ANKFN1: variants seen among roughly 807,000 people sequenced by gnomAD.
ANKFN1 encodes ankyrin repeat and fibronectin type III domain containing 1.
ANKFN1 carries 74 observed loss-of-function variants against 108.7 expected under a neutral mutation model. That is an observed-to-expected ratio of 0.68 (90% CI 0.56 to 0.83). The LOEUF is 0.83. ANKFN1 is among the 40% of genes least tolerant of loss of function. The pLI is 0.00. For missense variants in ANKFN1, 1,505 were observed against 1,382.3 expected (o/e 1.09, Z -1.41); for synonymous variants, 547 against 516.2 (o/e 1.06, Z -0.81).
chr17:56,345,977 G>A (rs2046089349), intron 4 of ANKFN1, among the ~76,000 whole-genome samples: 1 of 152,084 alleles, frequency 6.6e-6, no homozygotes, highest in Non-Finnish European at 1.5e-5. Flanking sequence ...CCTATGTCCT[G>A]AATGGTATTG....
chr17:56,079,283 G>A (rs1257193167), intron 4 of ANKFN1, among the ~76,000 whole-genome samples: 1 of 152,192 alleles, frequency 6.6e-6, no homozygotes, highest in African/African-American at 2.4e-5. Flanking sequence ...CACTCCCAAT[G>A]CACTAAAACA....
intron 4 of ANKFN1, among the ~76,000 whole-genome samples, chr17:56,106,304 G>A (rs1197889038): frequency 1.3e-5 from 2 of 152,146 alleles, no homozygotes; most frequent in Non-Finnish European, 2.9e-5. Flanking sequence ...AGTGATACCA[G>A]CTCTGCCCTT....
At chr17:56,048,474 A>C (rs1360335235) in intron 4 of ANKFN1, among the ~76,000 whole-genome samples, 1 of 151,984 alleles carries the variant, frequency 6.6e-6, no homozygotes, top group Non-Finnish European at 1.5e-5. Context: ...TGCACATTAG[A>C]TTCTTTATTT....
Position 56,512,936 on chromosome 17 carries a change from C to G in ANKFN1, c.*1667C>G, listed in dbSNP as rs1015288192. Among the ~76,000 whole-genome samples the G allele has an allele frequency of 9.2e-5, 14 of 152,174 alleles. No individual in the cohort carries two copies. Among genetic ancestry groups the G allele is most frequent in the African/African-American group, 3.1e-4 (13 of 41,438 alleles). ...CAAAGAATCTTGATCAGAATCACTACAGCTCCTTTTTCATGACTGGGAGGA... is the reference window on the plus strand; with the variant it reads ...CAAAGAATCTTGATCAGAATCACTAGAGCTCCTTTTTCATGACTGGGAGGA... On this transcript the variant is annotated 3_prime_UTR_variant, in exon 21 of 21. Coordinates refer to ENST00000682825, the MANE Select transcript of ANKFN1 (RefSeq NM_001370326.1).
At chr17:56,240,786 G>A (rs1299699326) in intron 3 of ANKFN1, among the ~76,000 whole-genome samples, 1 of 152,000 alleles carries the variant, frequency 6.6e-6, no homozygotes, top group Non-Finnish European at 1.5e-5. Flanking sequence ...TAGTGAAATT[G>A]AGCATCTTTT....
chr17:56,220,780 CAGGAAGGAAGGG>C (rs1567845795), intron 2 of ANKFN1, among the ~76,000 whole-genome samples: 1 of 60,978 alleles, frequency 1.6e-5, no homozygotes, highest in East Asian at 5.3e-4. Context: ...GGGAGGAAGT[CAGGAAGGAAGGG>C]AGGAAGGGAG....
chr17:56,108,818 A>G (rs1203704644), intron 4 of ANKFN1, among the ~76,000 whole-genome samples: 2 of 152,222 alleles, frequency 1.3e-5, no homozygotes, highest in South Asian at 2.1e-4. Context: ...TTGAGATACC[A>G]TCTTGCTTTA....
intron 8 of ANKFN1, among the ~76,000 whole-genome samples, chr17:56,424,773 C>T (rs1250919436): frequency 6.6e-6 from 1 of 152,168 alleles, no homozygotes; most frequent in East Asian, 1.9e-4. Flanking sequence ...ACAGTTTCAG[C>T]AGCCCCTGTG....
intron 6 of ANKFN1, among the ~76,000 whole-genome samples, chr17:56,354,411 C>CTTCATTCA (rs149400397): frequency 0.02 from 2,981 of 152,042 alleles, 89 homozygotes; most frequent in African/African-American, 0.067. Context: ...AATGCGGTGG[C>CTTCATTCA]TTCATTCATT....
intron 3 of ANKFN1, among the ~76,000 whole-genome samples, chr17:56,296,199 G>A (rs1180801296): frequency 6.6e-6 from 1 of 151,950 alleles, no homozygotes; most frequent in Non-Finnish European, 1.5e-5. Context: ...CGGAGGTGAG[G>A]GGGCAGGGTG....
rs1391193549 is a variant in ANKFN1, at chr17:56,510,604, C to G, written c.2776C>G (p.Gln926Glu). 6.5e-7 allele frequency: 1 copy of G among 1,536,094 alleles called. No individual in the cohort carries two copies. Among genetic ancestry groups the G allele is most frequent in the African/African-American group, 1.4e-5 (1 of 73,068 alleles). ...CTACCTATCATCTCACGACATTGCGCAGCAGACCCTTAGCGGCCTAAGCGG... is the reference window on the plus strand; with the variant it reads ...CTACCTATCATCTCACGACATTGCGGAGCAGACCCTTAGCGGCCTAAGCGG... ...LVYLSSHDIA[Q>E]QTLSGLSGSA... Residue 926 changes from glutamine to glutamate, a missense_variant, in exon 21 of 21, where the codon CAG becomes GAG. Coordinates refer to ENST00000682825, the MANE Select transcript of ANKFN1 (RefSeq NM_001370326.1).
intron 2 of ANKFN1, among the ~76,000 whole-genome samples, chr17:56,219,084 G>T (rs1431215805): frequency 6.6e-6 from 1 of 151,018 alleles, no homozygotes; most frequent in East Asian, 1.9e-4. Flanking sequence ...TAATCACCGT[G>T]TTTTTATCAG....
At chr17:56,422,492 TAC>T (rs141538919) in intron 8 of ANKFN1, among the ~76,000 whole-genome samples, 14,356 of 151,370 alleles carry the variant, frequency 0.095, 835 homozygotes, top group African/African-American at 0.17. Context: ...CACACGCACA[TAC>T]ACACACACAC....
rs759980897 is a variant in ANKFN1 at position 56,467,743 on chromosome 17, C to CAAAGAAAGAAAGAAAG, written c.1773+1207_1773+1222dup. Among the ~76,000 whole-genome samples the CAAAGAAAGAAAGAAAG allele has an allele frequency of 5.0e-4, 36 of 72,620 alleles. 1 individual carries two copies. Among genetic ancestry groups the CAAAGAAAGAAAGAAAG allele is most frequent in the South Asian group, 2.4e-3 (5 of 2,050 alleles). The allele number at this position is 72,620 out of a possible 152,430, so 47.6% of individuals were successfully genotyped here. On this transcript the variant is annotated intron_variant, in intron 15 of 20. Transcript: ENST00000682825. ...AGAAAGAAAGAGAGAAAGAAAGAAA[C>CAAAGAAAGAAAGAAAG]AAAGAAAGAAAGAAAGAAAGAAAGA...
At chr17:56,339,620 C>G (rs1374560672) in intron 4 of ANKFN1, among the ~76,000 whole-genome samples, 1 of 152,140 alleles carries the variant, frequency 6.6e-6, no homozygotes, top group Non-Finnish European at 1.5e-5. Context: ...ACCCATGTCC[C>G]TGCAAAGGTC....
intron 4 of ANKFN1, among the ~76,000 whole-genome samples, chr17:56,344,868 T>G (rs993541322): frequency 1.5e-4 from 23 of 151,894 alleles, no homozygotes; most frequent in Non-Finnish European, 8.8e-5. Context: ...GTTTTTTTGT[T>G]TGTTTGTTTG....
intron 1 of ANKFN1, among the ~76,000 whole-genome samples, chr17:56,193,642 G>A (rs1258570470): frequency 6.7e-6 from 1 of 149,838 alleles, no homozygotes; most frequent in East Asian, 1.9e-4. Context: ...AACTCAAGAT[G>A]GATCACAGAC....
chr17:56,343,747 A>C lies in ANKFN1; in HGVS notation c.189-7019A>C, dbSNP rs1373415787. ...TTGACAGTGTTCCAAGGATCTCTGC[A>C]CTCTTCACATTTCTTCATATTTTTT... On this transcript the variant is annotated intron_variant, in intron 4 of 20. Coordinates refer to ENST00000682825, the MANE Select transcript of ANKFN1 (RefSeq NM_001370326.1). 1.3e-5 allele frequency among the ~76,000 whole-genome samples: 2 copies of C among 151,324 alleles called. 1 individual carries two copies. Among genetic ancestry groups the C allele is most frequent in the Non-Finnish European group, 3.0e-5 (2 of 67,780 alleles).
At chr17:56,331,280 C>G (rs528141832) in intron 4 of ANKFN1, among the ~76,000 whole-genome samples, 156 of 152,264 alleles carry the variant, frequency 1.0e-3, no homozygotes, top group African/African-American at 3.6e-3. Flanking sequence ...ATACCCATAC[C>G]TGAACTACCC....
Sources: allele counts gnomAD v4.1 joint callset (sites outside exome capture counted in the v4.1 genomes callset), GRCh38; gene constraint gnomAD v4.1.1; transcripts MANE v1.5; gene names NCBI Gene and HGNC (gene_info 2026-07-23, HGNC 2026-07-21).